The following PLPP1 variants were observed in gnomAD, a reference collection of about 807,000 sequenced individuals.
The protein encoded by PLPP1 is phospholipid phosphatase 1, also known as lipid phosphate phosphohydrolase 1a.
Under a neutral mutation model 31.2 loss-of-function variants are expected in PLPP1, and 24 were observed. The observed-to-expected ratio is 0.77, with a 90% confidence interval of 0.56 to 1.08. The LOEUF (loss-of-function observed/expected upper bound fraction) is 1.08, where lower values mean the gene tolerates loss of function less well. PLPP1 is among the 50% of genes least tolerant of loss of function. The probability of loss-of-function intolerance (pLI) is 0.00; values close to 1 mark genes in which losing one functional copy is unlikely to be tolerated. For synonymous variants in PLPP1, 146 were observed against 126.3 expected, an observed-to-expected ratio of 1.16 and a Z score of -1.05; for missense variants, 319 against 342.7, an observed-to-expected ratio of 0.93 and a Z score of 0.55.
intron 1 of PLPP1, among the ~76,000 whole-genome samples, chr5:55,486,782 A>C (rs2111840409): frequency 6.6e-6 from 1 of 151,926 alleles, no homozygotes; most frequent in South Asian, 2.1e-4. Context: ...GCGTGATGGC[A>C]CACCCCTGTA....
intron 5 of PLPP1, 163 bp downstream of exon 5, chr5:55,425,700 T>G: frequency 1.7e-6 from 1 of 596,532 alleles, no homozygotes; most frequent in Non-Finnish European, 2.7e-6. Flanking sequence ...GCAACCTAGT[T>G]TTTAACCTGG....
chr5:55,453,252 T>A (rs1433175655), intron 3 of PLPP1, among the ~76,000 whole-genome samples: 1 of 152,188 alleles, frequency 6.6e-6, no homozygotes, highest in African/African-American at 2.4e-5. Context: ...AACTAAGGAA[T>A]ATACTTTATC....
chr5:55,475,998 A>G lies in PLPP1; in HGVS notation c.59-548T>C, dbSNP rs1163514211. ...AAAGTTTCTTTTTTTTTTTTTTTTGAGACAGGGTCTCATTCTGTTACCCAG... is the reference window on the plus strand; with the variant it reads ...AAAGTTTCTTTTTTTTTTTTTTTTGGGACAGGGTCTCATTCTGTTACCCAG... On this transcript the variant is annotated intron_variant, in intron 1 of 5. Transcript: ENST00000307259. Among the ~76,000 whole-genome samples the G allele has an allele frequency of 5.8e-4, 49 of 84,776 alleles. No individual in the cohort carries two copies. The Admixed American group carries it at 5.9e-3, about 10-fold the overall frequency. The allele number at this position is 84,776 out of a possible 152,430, so 55.6% of individuals were successfully genotyped here. A position where few individuals can be genotyped will look rare whatever the true frequency, so the allele number is the denominator to read the frequency against.
chr5:55,531,122 A>C (rs1215269349), intron 1 of PLPP1, among the ~76,000 whole-genome samples: 1 of 152,246 alleles, frequency 6.6e-6, no homozygotes, highest in Admixed American at 6.5e-5. Flanking sequence ...TGGCAAGACT[A>C]TGTTCCATTT....
intron 4 of PLPP1, among the ~76,000 whole-genome samples, chr5:55,433,318 A>C (rs1218327811): frequency 6.7e-6 from 1 of 148,820 alleles, no homozygotes; most frequent in Non-Finnish European, 1.5e-5. Flanking sequence ...AGGGAGACCC[A>C]GTCTCGAAAA....
intron 3 of PLPP1, among the ~76,000 whole-genome samples, chr5:55,450,571 G>A (rs1289457359): frequency 6.6e-6 from 1 of 152,164 alleles, no homozygotes; most frequent in African/African-American, 2.4e-5. Flanking sequence ...TAACAGATGA[G>A]GAGAGATGAG....
intron 3 of PLPP1, among the ~76,000 whole-genome samples, chr5:55,459,125 G>T (rs989394384): frequency 6.6e-6 from 1 of 150,614 alleles, no homozygotes; most frequent in Non-Finnish European, 1.5e-5. Flanking sequence ...ATAAGCATAA[G>T]AGAATTAGAG....
chr5:55,534,449 CGT>C, intron 1 of PLPP1, 121 bp downstream of exon 1: 1 of 1,036,538 alleles, frequency 9.6e-7, no homozygotes, highest in Non-Finnish European at 1.3e-6. Flanking sequence ...AAGCCGCCCC[CGT>C]GTGTCGCCCC....
chr5:55,440,348 G>A (rs78037832), intron 4 of PLPP1, among the ~76,000 whole-genome samples: 98 of 152,280 alleles, frequency 6.4e-4, no homozygotes, highest in African/African-American at 2.3e-3. Flanking sequence ...GATAGTAACG[G>A]CTCTAGCTAT....
intron 1 of PLPP1, among the ~76,000 whole-genome samples, chr5:55,477,398 T>TTTC (rs1486242622): frequency 6.8e-6 from 1 of 148,040 alleles, no homozygotes; most frequent in East Asian, 2.0e-4. Context: ...TTTCTTTTCT[T>TTTC]TTTTTTTTTT....
At chr5:55,425,631 C>G (rs1579911039) in intron 5 of PLPP1, 1 of 463,520 alleles carries the variant, frequency 2.2e-6, no homozygotes, top group Admixed American at 4.0e-5. Context: ...CTATTTCTAG[C>G]CAGAGCCTTT....
intron 4 of PLPP1, among the ~76,000 whole-genome samples, chr5:55,434,191 G>A (rs1021907866): frequency 7.5e-5 from 11 of 145,854 alleles, no homozygotes; most frequent in South Asian, 2.2e-4. Flanking sequence ...AGAAGAAGAA[G>A]AAAAAAAGAC....
At chr5:55,430,927 T>A (rs1441622258) in intron 4 of PLPP1, among the ~76,000 whole-genome samples, 1 of 152,160 alleles carries the variant, frequency 6.6e-6, no homozygotes. Flanking sequence ...AATTGATGAA[T>A]TCATTGAATG....
chr5:55,428,148 T>C (rs1036785020), intron 4 of PLPP1, among the ~76,000 whole-genome samples: 1 of 152,146 alleles, frequency 6.6e-6, no homozygotes, highest in Admixed American at 6.5e-5. Flanking sequence ...TCCTTACACA[T>C]CTACCCAAGA....
rs536966014 is a variant in PLPP1, at chr5:55,534,840, C to G, written c.-211G>C. 6.9e-5 allele frequency: 37 copies of G among 537,902 alleles called. 1 individual carries two copies. The South Asian group carries it at 8.3e-4, about 12-fold the overall frequency. The allele number at this position is 537,902 out of a possible 1,614,324, so 33.3% of individuals were successfully genotyped here. Reference sequence around the variant, plus strand: ...CCCGGGGCCCTCCCCTCACAGCCCCCGCGAACACTCGGTTAGTGCCGAGGC... The same window carrying G: ...CCCGGGGCCCTCCCCTCACAGCCCCGGCGAACACTCGGTTAGTGCCGAGGC... On this transcript the variant is annotated 5_prime_UTR_variant, in exon 1 of 6. Coordinates refer to ENST00000307259, the MANE Select transcript of PLPP1 (RefSeq NM_003711.4).
At chr5:55,524,770 G>A (rs1198714827) in intron 1 of PLPP1, among the ~76,000 whole-genome samples, 3 of 152,050 alleles carry the variant, frequency 2.0e-5, no homozygotes, top group Non-Finnish European at 2.9e-5. Flanking sequence ...AGATCATGCC[G>A]TTGCATTCCA....
chr5:55,482,279 C>T (rs1274634558), intron 1 of PLPP1, among the ~76,000 whole-genome samples: 1 of 151,354 alleles, frequency 6.6e-6, no homozygotes, highest in African/African-American at 2.4e-5. Context: ...CCCCTCACCC[C>T]CGAAAAACTG....
Position 55,425,215 on chromosome 5 carries a change from G to T in PLPP1, c.846C>A (p.His282Gln). Reference sequence around the variant, plus strand: ...GGCACCCTGCTGCCTTTCAAGGCTGGTGATTGCTCGGATAGTGATTCCCAG... The same window carrying T: ...GGCACCCTGCTGCCTTTCAAGGCTGTTGATTGCTCGGATAGTGATTCCCAG... The part of the protein sequence containing the change: ...PTTGNHYPSN[H>Q]QP The change falls in exon 6 of 6, where the codon CAC becomes CAA. Residue 282 changes from histidine (H) to glutamine (Q), a missense_variant. His to Gln is a conservative substitution (Grantham distance 24). Coordinates refer to ENST00000307259, the MANE Select transcript of PLPP1 (RefSeq NM_003711.4). 6.2e-7 allele frequency: 1 copy of T among 1,613,408 alleles called. No individual in the cohort carries two copies. The highest frequency in any genetic ancestry group is 8.5e-7 in the Non-Finnish European group (1 of 1,179,798).
intron 3 of PLPP1, among the ~76,000 whole-genome samples, chr5:55,457,940 T>G (rs1347885453): frequency 1.3e-5 from 2 of 151,882 alleles, no homozygotes; most frequent in African/African-American, 2.4e-5. Context: ...TTAGGTACAC[T>G]CATCACCACA....
Sources: gnomAD v4.1 joint callset for allele counts (sites outside exome capture counted in the v4.1 genomes callset) on GRCh38, gnomAD v4.1.1 for gene constraint, MANE v1.5 for transcripts, NCBI Gene and HGNC (gene_info 2026-07-23, HGNC 2026-07-21) for gene names.